ATP2B2: variants seen among roughly 807,000 people sequenced by gnomAD.
ATP2B2 encodes ATPase plasma membrane Ca2+ transporting 2.
ATP2B2 carries 15 observed loss-of-function variants against 120.0 expected under a neutral mutation model. The ratio of observed to expected loss-of-function variants is 0.12; its 90% CI spans 0.08 to 0.19. The LOEUF (loss-of-function observed/expected upper bound fraction) is 0.19. Among genes scored for constraint, ATP2B2 ranks in the 10% least tolerant of loss-of-function variants. The pLI is 1.00. For missense variants in ATP2B2, 1,045 were observed against 1,719.8 expected (o/e 0.61, Z 6.94); for synonymous variants, 694 against 700.3 (o/e 0.99, Z 0.14).
At chr3:10,338,048 G>A (rs2060173381) in intron 22 of ATP2B2, 128 bp downstream of exon 22, 2 of 1,251,464 alleles carry the variant, frequency 1.6e-6, no homozygotes, top group Non-Finnish European at 2.2e-6. Context: ...GAGCTGGCCG[G>A]GACCCCTCTG....
intron 2 of ATP2B2, among the ~76,000 whole-genome samples, chr3:10,434,614 A>G (rs539825336): frequency 6.6e-6 from 1 of 152,370 alleles, no homozygotes; most frequent in East Asian, 1.9e-4. Flanking sequence ...TCAGAGAGGG[A>G]AAATGATTCA....
chr3:10,449,132 G>A (rs959210854), intron 2 of ATP2B2, among the ~76,000 whole-genome samples: 4 of 152,214 alleles, frequency 2.6e-5, no homozygotes, highest in Admixed American at 2.0e-4. Flanking sequence ...TCTGCAGGTG[G>A]CTTGGGTCAT....
chr3:10,349,655 C>A (rs1033000173), intron 16 of ATP2B2, among the ~76,000 whole-genome samples: 2 of 151,796 alleles, frequency 1.3e-5, no homozygotes, highest in Non-Finnish European at 1.5e-5. Flanking sequence ...CCAGACAGAC[C>A]AAGAGACTTA....
chr3:10,650,690 G>GC (rs967362649), intron 1 of ATP2B2, among the ~76,000 whole-genome samples: 1 of 152,202 alleles, frequency 6.6e-6, no homozygotes, highest in Admixed American at 6.5e-5. Context: ...TTGTGGGCTT[G>GC]CCCCCCTGCT....
At chr3:10,443,310 C>T (rs1374468610) in intron 2 of ATP2B2, among the ~76,000 whole-genome samples, 11 of 152,132 alleles carry the variant, frequency 7.2e-5, no homozygotes, top group Admixed American at 7.2e-4. Context: ...CCTCCATTTT[C>T]CTTCCCTCTT....
At chr3:10,612,240 T>C (rs377081812) in intron 2 of ATP2B2, among the ~76,000 whole-genome samples, 2 of 152,186 alleles carry the variant, frequency 1.3e-5, no homozygotes, top group African/African-American at 4.8e-5. Context: ...TCCCTATCTC[T>C]GCTTCCTCAC....
chr3:10,336,122 C>A, intron 22 of ATP2B2: 1 of 1,550,198 alleles, frequency 6.5e-7, no homozygotes, highest in Middle Eastern at 1.7e-4. Flanking sequence ...TAAGGAGTCA[C>A]ACTCACGCCC....
chr3:10,707,908 G>A, intron 1 of ATP2B2: 1 of 152,334 alleles, frequency 6.6e-6, no homozygotes, highest in Non-Finnish European at 1.5e-5. Context: ...GGCCGCCCCT[G>A]CCTCACCTGC....
intron 1 of ATP2B2, among the ~76,000 whole-genome samples, chr3:10,678,422 A>G (rs553645155): frequency 2.0e-5 from 3 of 152,194 alleles, no homozygotes; most frequent in African/African-American, 7.2e-5. Flanking sequence ...AAAGGAAAAG[A>G]CAGGCAAGCT....
chr3:10,665,665 T>A (rs545723482), intron 1 of ATP2B2, among the ~76,000 whole-genome samples: 1 of 152,298 alleles, frequency 6.6e-6, no homozygotes, highest in East Asian at 1.9e-4. Context: ...GCATTTGAGG[T>A]TGCTTGGAGG....
chr3:10,545,626 G>A (rs184903890), intron 2 of ATP2B2, among the ~76,000 whole-genome samples: 2 of 152,128 alleles, frequency 1.3e-5, no homozygotes, highest in East Asian at 3.8e-4. Context: ...GTTTCCTCTG[G>A]GATTGGACAG....
At chr3:10,476,342 C>T (rs1441070852) in intron 1 of ATP2B2, among the ~76,000 whole-genome samples, 4 of 152,196 alleles carry the variant, frequency 2.6e-5, no homozygotes, top group African/African-American at 4.8e-5. Context: ...AAAGGAATCC[C>T]TGAAGCCCTC....
chr3:10,466,247 T>C (rs2064736608), intron 1 of ATP2B2, among the ~76,000 whole-genome samples: 1 of 152,254 alleles, frequency 6.6e-6, no homozygotes, highest in Non-Finnish European at 1.5e-5. Flanking sequence ...GAGTGTTTTA[T>C]GACCTACTAT....
At chr3:10,706,215 C>T (rs904915221) in intron 1 of ATP2B2, among the ~76,000 whole-genome samples, 6 of 152,120 alleles carry the variant, frequency 3.9e-5, no homozygotes, top group African/African-American at 7.2e-5. Context: ...AATGAATGAG[C>T]CTCACCCCTC....
chr3:10,665,058 G>C (rs1306298121), intron 1 of ATP2B2, among the ~76,000 whole-genome samples: 7 of 152,146 alleles, frequency 4.6e-5, no homozygotes, highest in African/African-American at 7.2e-5. Context: ...CTCCCTGTTG[G>C]GCTTCCTGTC....
chr3:10,590,889 C>T (rs1014944188), intron 2 of ATP2B2, among the ~76,000 whole-genome samples: 1 of 152,106 alleles, frequency 6.6e-6, no homozygotes, highest in Non-Finnish European at 1.5e-5. Flanking sequence ...TCCTGGGCTC[C>T]CTGACCTCCT....
intron 1 of ATP2B2, among the ~76,000 whole-genome samples, chr3:10,636,703 C>G (rs2070031808): frequency 6.6e-6 from 1 of 152,130 alleles, no homozygotes; most frequent in Admixed American, 6.5e-5. Flanking sequence ...AGTGATTGCC[C>G]CAAACACTGC....
intron 8 of ATP2B2, among the ~76,000 whole-genome samples, chr3:10,379,876 G>A (rs2125541772): frequency 6.6e-6 from 1 of 152,236 alleles, no homozygotes; most frequent in Admixed American, 6.5e-5. Context: ...GCCTTCAAGA[G>A]GGATGATCTT....
At chr3:10,488,120 CCCA>C (rs2065767429) in intron 1 of ATP2B2, among the ~76,000 whole-genome samples, 2 of 149,306 alleles carry the variant, frequency 1.3e-5, no homozygotes, top group African/African-American at 4.9e-5. Context: ...CATCCATCCA[CCCA>C]TCCATCCATC....
Sources: gnomAD v4.1 joint callset for allele counts (sites outside exome capture counted in the v4.1 genomes callset) on GRCh38, gnomAD v4.1.1 for gene constraint, MANE v1.5 for transcripts, NCBI Gene and HGNC (gene_info 2026-07-23, HGNC 2026-07-21) for gene names.